The following DDX54 variants were observed in gnomAD, a reference collection of about 807,000 sequenced individuals.
DDX54 encodes the protein DEAD-box helicase 54.
In DDX54, 67 loss-of-function variants were observed where a neutral mutation model predicts 105.5. That is an observed-to-expected ratio of 0.64 (90% CI 0.52 to 0.78). The LOEUF (loss-of-function observed/expected upper bound fraction) is 0.78, where lower values mean the gene tolerates loss of function less well. Among genes scored for constraint, DDX54 ranks in the 30% least tolerant of loss-of-function variants. DDX54 has a pLI of 0.00. For synonymous variants in DDX54, 514 were observed against 509.9 expected, an observed-to-expected ratio of 1.01 and a Z score of -0.11; for missense variants, 1,206 against 1,230.5, an observed-to-expected ratio of 0.98 and a Z score of 0.30.
In DDX54 at chr12:113,163,137, C is replaced by T; in HGVS notation, c.2076G>A (p.Glu692=). 6.2e-7 allele frequency: 1 copy of T among 1,613,176 alleles called. No individual in the cohort carries two copies. The highest frequency in any genetic ancestry group is 2.2e-5 in the East Asian group (1 of 44,884). The change falls in exon 16 of 20, where the codon GAG becomes GAA. Residue 692 remains glutamate, a synonymous_variant. Transcript: ENST00000306014. The surrounding 1 kb of genome is among the most constrained non-coding windows in gnomAD (Gnocchi z 5.9). ...IPYRPKDFDS[E]RGLSISGEGG... is the part of the protein sequence containing the mutation. The stretch of plus-strand genomic sequence containing the variant: ...GGACCCAGCCAGCCACTCACCCCCG[C>T]TCGCTGTCAAAGTCCTTGGGCCGGT...
At chr12:113,178,141 G>A (rs1393529024) in intron 5 of DDX54, among the ~76,000 whole-genome samples, 4 of 152,136 alleles carry the variant, frequency 2.6e-5, no homozygotes, top group East Asian at 1.9e-4. Flanking sequence ...GGAGGCTGAC[G>A]TGGGAGGATC....
chr12:113,180,375 G>A (rs955175196), intron 2 of DDX54, among the ~76,000 whole-genome samples: 7 of 152,184 alleles, frequency 4.6e-5, no homozygotes, highest in African/African-American at 1.2e-4. Context: ...AGAATCACCC[G>A]GGTGTGGGGA....
rs781605282 is a variant in DDX54 at position 113,158,891 on chromosome 12, G to T, written c.2632C>A (p.Arg878=). The T allele has an allele frequency of 6.2e-7, 1 of 1,602,738 alleles. No homozygotes were observed. The highest frequency in any genetic ancestry group is 8.5e-7 in the Non-Finnish European group (1 of 1,171,852). The change falls in exon 20 of 20, where the codon CGG becomes AGG. Residue 878 remains arginine (R), a synonymous_variant. Coordinates refer to ENST00000306014, the MANE Select transcript of DDX54 (RefSeq NM_024072.4). This position sits in a 1 kb window ranked among gnomAD's most constrained non-coding sequence, Gnocchi z 4.9. The part of the protein sequence containing the change: ...RGARSKKGKM[R]KRM ...GGTCCTGGTCCTCACATCCTCTTCC[G>T]CATCTTGCCCTTCTTGGAGCGGGCA...
chr12:113,164,111 G>A lies in DDX54; in HGVS notation c.1894C>T (p.Gln632Ter). Reference protein sequence around the residue: ...APSRPALQEKQPEKEEEEEAG... With the variant: ...APSRPALQEK ...TCCTCCTCCTCCTCCTTCTCAGGCT[G>A]CTTCTCCTGCAGTGCTGGGCGGCTC... Residue 632 changes from glutamine to a stop codon, truncating the protein, a stop_gained, in exon 15 of 20, where the codon CAG (glutamine) becomes TAG (stop). Transcript: ENST00000306014. LOFTEE classifies it high-confidence loss of function. The A allele has an allele frequency of 6.4e-7, 1 of 1,551,546 alleles. No homozygotes were observed.
chr12:113,175,515 C>T (rs1317257166), intron 7 of DDX54, among the ~76,000 whole-genome samples: 1 of 152,192 alleles, frequency 6.6e-6, no homozygotes, highest in East Asian at 1.9e-4. Flanking sequence ...GGGCCGGGCG[C>T]AGTGGCTCAG....
intron 10 of DDX54, 111 bp from the exon 11 acceptor site, chr12:113,172,674 G>T: frequency 7.5e-7 from 1 of 1,337,336 alleles, no homozygotes. Context: ...AAGACCACGG[G>T]TTCTGGAGTC....
intron 11 of DDX54, 45 bp from the exon 12 acceptor site, chr12:113,169,949 C>T (rs755332658): frequency 1.4e-5 from 23 of 1,607,354 alleles, no homozygotes; most frequent in East Asian, 8.9e-5. Flanking sequence ...AAGAAGGACC[C>T]GGACCCAGCA....
rs748632245 is a variant in DDX54 at position 113,158,892 on chromosome 12, C to T, written c.2631G>A (p.Met877Ile). ...GRGARSKKGKMRKRM is the reference protein window; with the variant it reads ...GRGARSKKGKIRKRM ...GTCCTGGTCCTCACATCCTCTTCCG[C>T]ATCTTGCCCTTCTTGGAGCGGGCAC... The change falls in exon 20 of 20, where the codon ATG becomes ATA. Residue 877 changes from methionine to isoleucine, a missense_variant. Physicochemically the swap from Met to Ile is conservative, Grantham distance 10. Coordinates refer to ENST00000306014, the MANE Select transcript of DDX54 (RefSeq NM_024072.4). The surrounding 1 kb of genome is among the most constrained non-coding windows in gnomAD (Gnocchi z 4.9). 6.2e-7 allele frequency: 1 copy of T among 1,604,334 alleles called. No individual in the cohort carries two copies. The highest frequency in any genetic ancestry group is 1.7e-5 in the Admixed American group (1 of 59,584).
intron 12 of DDX54, among the ~76,000 whole-genome samples, chr12:113,169,315 C>T (rs976007880): frequency 5.9e-5 from 9 of 151,440 alleles, no homozygotes; most frequent in Admixed American, 3.3e-4. Flanking sequence ...AGTAAGACCC[C>T]GTCTCGTTAA....
At chr12:113,173,571 C>A (rs1952362879) in intron 10 of DDX54, among the ~76,000 whole-genome samples, 1 of 152,132 alleles carries the variant, frequency 6.6e-6, no homozygotes, top group Non-Finnish European at 1.5e-5. Flanking sequence ...CAGGCTTTGA[C>A]CCAGGCGGGG....
At position 113,163,424 on chromosome 12, in the gene DDX54, G is replaced by A. The variant is rs1952234898; in HGVS notation, c.1939-150C>T. ...TCATTTTGCCATTTCTTAGCTGGGTGACAGTGTCTCCTGTGGGACCCTCAG... is the reference window on the plus strand; with the variant it reads ...TCATTTTGCCATTTCTTAGCTGGGTAACAGTGTCTCCTGTGGGACCCTCAG... On this transcript the variant is annotated intron_variant, in intron 15 of 19. Coordinates refer to ENST00000306014, the MANE Select transcript of DDX54 (RefSeq NM_024072.4). This position sits in a 1 kb window ranked among gnomAD's most constrained non-coding sequence, Gnocchi z 5.9. 4.1e-6 allele frequency: 5 copies of A among 1,210,778 alleles called. No individual in the cohort carries two copies. The highest frequency in any genetic ancestry group is 3.1e-5 in the South Asian group (2 of 63,850). 75.0% of individuals were successfully genotyped at this position (1,210,778 alleles called of 1,614,324 possible).
rs1336516996 is a variant in DDX54, at chr12:113,185,395, C to G, written c.57G>C (p.Gln19His). ...TCCGGAGCCCTTTCTTCTTCCTCCACTGGGCCATGGCAGCTCGCGACCGAG... is the reference window on the plus strand; with the variant it reads ...TCCGGAGCCCTTTCTTCTTCCTCCAGTGGGCCATGGCAGCTCGCGACCGAG... ...AGPRSRAAMAQWRKKKGLRKR... is the reference protein window; with the variant it reads ...AGPRSRAAMAHWRKKKGLRKR... Residue 19 changes from glutamine to histidine, a missense_variant, in exon 1 of 20, where the codon CAG becomes CAC. This residue lies in a region of DDX54 where 212 missense variants were observed against 155.4 expected (regional missense o/e 1.36). Transcript: ENST00000306014. 2 of 1,558,948 alleles carry G rather than the reference C, an allele frequency of 1.3e-6. No individual in the cohort carries two copies. The highest frequency in any genetic ancestry group is 1.2e-5 in the South Asian group (1 of 84,760).
At chr12:113,175,658 G>T (rs902176522) in intron 7 of DDX54, among the ~76,000 whole-genome samples, 1 of 152,022 alleles carries the variant, frequency 6.6e-6, no homozygotes, top group Non-Finnish European at 1.5e-5. Context: ...GCGTGGTGGC[G>T]GGCGCCTGTA....
rs755616326 is a variant in DDX54 at position 113,175,093 on chromosome 12, G to A, written c.817C>T (p.Gln273Ter). The change falls in exon 8 of 20, where the codon CAG becomes TAG. Residue 273 changes from glutamine (Q) to a stop codon, truncating the protein, a stop_gained. Coordinates refer to ENST00000306014, the MANE Select transcript of DDX54 (RefSeq NM_024072.4). LOFTEE classifies it high-confidence loss of function. ...EIIARLPGGH[Q>*]TVLFSATLPK... ...AGCGTGGCGGAGAACAGCACCGTCT[G>A]GTGGCCCCCGGGGAGGCGGGCGATG... 2.5e-6 allele frequency: 4 copies of A among 1,613,896 alleles called. No individual in the cohort carries two copies. The African/African-American group carries it at 5.3e-5, about 21-fold the overall frequency.
chr12:113,180,444 G>C (rs930613534), intron 2 of DDX54, among the ~76,000 whole-genome samples: 17 of 152,160 alleles, frequency 1.1e-4, no homozygotes, highest in African/African-American at 4.1e-4. Context: ...TGTTGCCCAA[G>C]CTGGACTTGA....
Position 113,179,954 on chromosome 12 carries a change from G to A in DDX54, c.356C>T (p.Pro119Leu). 7 of 1,614,124 alleles carry A rather than the reference G, an allele frequency of 4.3e-6. No homozygotes were observed. Among genetic ancestry groups the A allele is most frequent in the Non-Finnish European group, 5.9e-6 (7 of 1,180,034 alleles). Reference sequence around the variant, plus strand: ...CCTCACCTTCCTCTGGATGGGTGTTGGCACCTTGTACCCCTTCTTCATGAT... The same window carrying A: ...CCTCACCTTCCTCTGGATGGGTGTTAGCACCTTGTACCCCTTCTTCATGAT... ...KGIMKKGYKV[P>L]TPIQRKTIPV... Residue 119 changes from proline (P) to leucine (L), a missense_variant, in exon 3 of 20, where the codon CCA becomes CTA. Physicochemically the swap from Pro to Leu is moderately conservative, Grantham distance 98. Transcript: ENST00000306014.
intron 11 of DDX54, 130 bp downstream of exon 11, chr12:113,172,223 C>G (rs573526516): frequency 2.4e-5 from 25 of 1,028,864 alleles, no homozygotes; most frequent in South Asian, 3.1e-5. Flanking sequence ...AGCAATATAG[C>G]GAGGCTCTGT....
chr12:113,169,800 T>C lies in DDX54; in HGVS notation c.1384A>G (p.Thr462Ala), dbSNP rs1278032354. ...GGCTCCTTGAGGGGTCGGGCGAGGG[T>C]GAGGGAGCGGCCCAGGAACAGGTGC... The part of the protein sequence containing the change: ...DLHLFLGRSL[T>A]LARPLKEPSG... Residue 462 changes from threonine (T) to alanine (A), a missense_variant, in exon 12 of 20, where the codon ACC becomes GCC. Transcript: ENST00000306014. 1.2e-6 allele frequency: 2 copies of C among 1,613,332 alleles called. No homozygotes were observed. The highest frequency in any genetic ancestry group is 1.7e-6 in the Non-Finnish European group (2 of 1,179,874).
In DDX54 at chr12:113,158,855, C is replaced by T. The variant is rs2136310675; in HGVS notation, c.*22G>A. 1.9e-6 allele frequency: 3 copies of T among 1,569,828 alleles called. No homozygotes were observed. Among genetic ancestry groups the T allele is most frequent in the Admixed American group, 1.7e-5 (1 of 57,182 alleles). On this transcript the variant is annotated 3_prime_UTR_variant, in exon 20 of 20. Transcript: ENST00000306014. The surrounding 1 kb of genome is among the most constrained non-coding windows in gnomAD (Gnocchi z 4.9). ...GCCCACCCTAAGGCCAATCAAGGAGCCACGGGGCTGGGTCCTGGTCCTCAC... is the reference window on the plus strand; with the variant it reads ...GCCCACCCTAAGGCCAATCAAGGAGTCACGGGGCTGGGTCCTGGTCCTCAC...
Sources: gnomAD v4.1 joint callset for allele counts (sites outside exome capture counted in the v4.1 genomes callset) on GRCh38, gnomAD v4.1.1 for gene constraint, gnomAD v4.1.1 regional missense constraint, Gnocchi (gnomAD v3.1) non-coding constraint, MANE v1.5 for transcripts, NCBI Gene and HGNC (gene_info 2026-07-23, HGNC 2026-07-21) for gene names.